The following URM1 variants were observed in gnomAD, a reference collection of about 807,000 sequenced individuals.
URM1 encodes ubiquitin-related modifier 1.
Under a neutral mutation model 17.7 loss-of-function variants are expected in URM1, and 11 were observed. The ratio of observed to expected loss-of-function variants is 0.62; its 90% CI spans 0.39 to 1.03. URM1 has a LOEUF of 1.03. Among genes scored for constraint, URM1 ranks in the 50% least tolerant of loss-of-function variants. The probability of loss-of-function intolerance (pLI) is 0.00; values close to 1 mark genes in which losing one functional copy is unlikely to be tolerated. For synonymous variants in URM1, 48 were observed against 50.6 expected (o/e 0.95, Z 0.22); for missense variants, 128 against 129.2 (o/e 0.99, Z 0.04).
rs565103827 is a variant in URM1, at chr9:128,387,170, C to T, written c.107-646C>T. On this transcript the variant is annotated intron_variant, in intron 2 of 4. Coordinates refer to ENST00000372853, the MANE Select transcript of URM1 (RefSeq NM_030914.4). This position sits in a 1 kb window ranked among gnomAD's most constrained non-coding sequence, Gnocchi z 4.3. ...GCTGAGCTGGAGAGGCCCTGTCACCCGAACCTCTGGCCACCGCTGGCGCGG... is the reference window on the plus strand; with the variant it reads ...GCTGAGCTGGAGAGGCCCTGTCACCTGAACCTCTGGCCACCGCTGGCGCGG... Among the ~76,000 whole-genome samples the T allele has an allele frequency of 1.3e-5, 2 of 152,194 alleles. No individual in the cohort carries two copies. The highest frequency in any genetic ancestry group is 2.4e-5 in the African/African-American group (1 of 41,452).
At chr9:128,376,795 T>C (rs1028448116) in intron 1 of URM1, among the ~76,000 whole-genome samples, 14 of 152,202 alleles carry the variant, frequency 9.2e-5, no homozygotes, top group African/African-American at 3.4e-4. Flanking sequence ...GAGACCAGTC[T>C]GAGCAACATG....
Position 128,392,008 on chromosome 9 carries a change from A to G in URM1, c.*2274A>G, listed in dbSNP as rs1833323229. The G allele has an allele frequency of 6.6e-6, 1 of 152,326 alleles. No homozygotes were observed. Among genetic ancestry groups the G allele is most frequent in the Admixed American group, 6.5e-5 (1 of 15,282 alleles). 9.4% of individuals were successfully genotyped at this position (152,326 alleles called of 1,614,324 possible). On this transcript the variant is annotated 3_prime_UTR_variant, in exon 5 of 5. Transcript: ENST00000372853. This position sits in a 1 kb window ranked among gnomAD's most constrained non-coding sequence, Gnocchi z 6.5. ...GGAAATAAACAAATAAAACCCCGCT[A>G]TCTCCGAAGATTTTTCTTTAATGAA...
At chr9:128,375,801 C>T (rs996278715) in intron 1 of URM1, among the ~76,000 whole-genome samples, 1 of 152,036 alleles carries the variant, frequency 6.6e-6, no homozygotes, top group African/African-American at 2.4e-5. Context: ...CTTAAGCAAT[C>T]CTCCCTCGCC....
At position 128,389,824 on chromosome 9, in the gene URM1, C is replaced by A. The variant is rs748398460; in HGVS notation, c.*90C>A. On this transcript the variant is annotated 3_prime_UTR_variant, in exon 5 of 5. Transcript: ENST00000372853. ...CCCTGCTTCCAGGTCTCCCTGTCCCCCTTGCCTGCCTTCTTCCCTGCTCTG... is the reference window on the plus strand; with the variant it reads ...CCCTGCTTCCAGGTCTCCCTGTCCCACTTGCCTGCCTTCTTCCCTGCTCTG... The A allele has an allele frequency of 1.8e-5, 28 of 1,548,288 alleles. No homozygotes were observed. Among genetic ancestry groups the A allele is most frequent in the Non-Finnish European group, 2.5e-5 (28 of 1,135,550 alleles).
chr9:128,383,170 C>T (rs956041502), intron 2 of URM1, among the ~76,000 whole-genome samples: 29 of 152,142 alleles, frequency 1.9e-4, no homozygotes, highest in African/African-American at 6.3e-4. Context: ...CCCTCTCCAC[C>T]TCCCTCCTCC....
intron 2 of URM1, among the ~76,000 whole-genome samples, chr9:128,381,691 C>CA (rs1833161886): frequency 6.6e-6 from 1 of 152,012 alleles, no homozygotes; most frequent in Non-Finnish European, 1.5e-5. Flanking sequence ...GTCTCAAAAA[C>CA]AAAAAACAAA....
intron 2 of URM1, among the ~76,000 whole-genome samples, chr9:128,378,501 C>G (rs1415602263): frequency 7.2e-6 from 1 of 139,318 alleles, no homozygotes; most frequent in Non-Finnish European, 1.5e-5. Context: ...CGAGATCATG[C>G]CACTGTACTC....
Position 128,389,269 on chromosome 9 carries a change from G to A in URM1, c.197G>A (p.Gly66Glu), listed in dbSNP as rs1314223429. The change falls in exon 4 of 5, where the codon GGA becomes GAA. Residue 66 changes from glycine (G) to glutamate (E), a missense_variant. Coordinates refer to ENST00000372853, the MANE Select transcript of URM1 (RefSeq NM_030914.4). ...CACCATCTTTCCCACAGGCGGCCAGGAATTCTGGTGCTGATTAACGATGCC... is the reference window on the plus strand; with the variant it reads ...CACCATCTTTCCCACAGGCGGCCAGAAATTCTGGTGCTGATTAACGATGCC... ...LFIQGDSVRP[G>E]ILVLINDADW... 6.2e-7 allele frequency: 1 copy of A among 1,600,380 alleles called. No homozygotes were observed. Among genetic ancestry groups the A allele is most frequent in the Non-Finnish European group, 8.5e-7 (1 of 1,170,576 alleles).
At chr9:128,380,327 G>A (rs777839739) in intron 2 of URM1, among the ~76,000 whole-genome samples, 2 of 151,430 alleles carry the variant, frequency 1.3e-5, no homozygotes, top group East Asian at 3.9e-4. Flanking sequence ...GTGGAGGCTG[G>A]GGGGGGGACA....
intron 1 of URM1, among the ~76,000 whole-genome samples, chr9:128,372,882 T>A (rs1034165656): frequency 6.6e-6 from 1 of 151,922 alleles, no homozygotes; most frequent in Non-Finnish European, 1.5e-5. Flanking sequence ...GAGACCAGCC[T>A]TGGCAACATG....
At chr9:128,382,232 G>A (rs1031886732) in intron 2 of URM1, among the ~76,000 whole-genome samples, 5 of 152,086 alleles carry the variant, frequency 3.3e-5, no homozygotes, top group Non-Finnish European at 7.4e-5. Context: ...CCAGAGGCAT[G>A]GGTCACACAG....
chr9:128,387,355 G>T lies in URM1; in HGVS notation c.107-461G>T, dbSNP rs902420663. On this transcript the variant is annotated intron_variant, in intron 2 of 4. Coordinates refer to ENST00000372853, the MANE Select transcript of URM1 (RefSeq NM_030914.4). The surrounding 1 kb of genome is among the most constrained non-coding windows in gnomAD (Gnocchi z 4.3). Reference sequence around the variant, plus strand: ...CCCCTCACAAAGGGAAATATATGCAGACCCCTCCAAGAGCAAAGCCGAATC... The same window carrying T: ...CCCCTCACAAAGGGAAATATATGCATACCCCTCCAAGAGCAAAGCCGAATC... Among the ~76,000 whole-genome samples the T allele has an allele frequency of 6.6e-6, 1 of 152,190 alleles. No individual in the cohort carries two copies.
chr9:128,386,532 G>A (rs1306098601), intron 2 of URM1, among the ~76,000 whole-genome samples: 1 of 152,252 alleles, frequency 6.6e-6, no homozygotes, highest in Admixed American at 6.5e-5. Flanking sequence ...CAGGCAAGTT[G>A]GCACCAAGCA....
At chr9:128,373,730 A>G (rs890407589) in intron 1 of URM1, among the ~76,000 whole-genome samples, 7 of 152,008 alleles carry the variant, frequency 4.6e-5, no homozygotes, top group African/African-American at 1.2e-4. Flanking sequence ...CTCCTTCCCA[A>G]GTTGGGGAGG....
At position 128,390,421 on chromosome 9, in the gene URM1, TC is replaced by T. The variant is rs1386148108; in HGVS notation, c.*688del. On this transcript the variant is annotated 3_prime_UTR_variant, in exon 5 of 5. Coordinates refer to ENST00000372853, the MANE Select transcript of URM1 (RefSeq NM_030914.4). ...AGACCCTCCCCAGGCTGCTTACAGCTCATTCTGCTGGGGGTAGAGATGAGGG... is the reference window on the plus strand; with the variant it reads ...AGACCCTCCCCAGGCTGCTTACAGCTATTCTGCTGGGGGTAGAGATGAGGG... 1 of 152,226 alleles carries T rather than the reference TC, an allele frequency of 6.6e-6. No homozygotes were observed. The highest frequency in any genetic ancestry group is 1.5e-5 in the Non-Finnish European group (1 of 68,190). The allele number at this position is 152,226 out of a possible 1,614,324, so 9.4% of individuals were successfully genotyped here.
At chr9:128,371,925 C>T (rs1833019149) in intron 1 of URM1, among the ~76,000 whole-genome samples, 1 of 152,162 alleles carries the variant, frequency 6.6e-6, no homozygotes, top group African/African-American at 2.4e-5. Context: ...ACCTGAGCCT[C>T]CTTCAGGACA....
chr9:128,391,499 A>G lies in URM1; in HGVS notation c.*1765A>G, dbSNP rs1267146620. 1 of 152,232 alleles carries G rather than the reference A, an allele frequency of 6.6e-6. No individual in the cohort carries two copies. The highest frequency in any genetic ancestry group is 1.5e-5 in the Non-Finnish European group (1 of 68,072). 9.4% of individuals were successfully genotyped at this position (152,232 alleles called of 1,614,324 possible). On this transcript the variant is annotated 3_prime_UTR_variant, in exon 5 of 5. Transcript: ENST00000372853. ...ACTAGTTCCTGAGGTCAGGGTCTCC[A>G]TGTTAGGGAACAGAGCAAGAGACTT...
chr9:128,380,300 G>T (rs1833141875), intron 2 of URM1, among the ~76,000 whole-genome samples: 1 of 152,166 alleles, frequency 6.6e-6, no homozygotes, highest in African/African-American at 2.4e-5. Flanking sequence ...GCACAGGGTG[G>T]GGTCTGTCTG....
intron 2 of URM1, among the ~76,000 whole-genome samples, chr9:128,386,281 GGCCAAGGGGATTCAGA>G (rs1833227009): frequency 6.6e-6 from 1 of 152,180 alleles, no homozygotes; most frequent in East Asian, 1.9e-4. Context: ...CCAAGATGGA[GGCCAAGGGGATTCAGA>G]GCCAAGGGGA....
Sources: allele counts gnomAD v4.1 joint callset (sites outside exome capture counted in the v4.1 genomes callset), GRCh38; gene constraint gnomAD v4.1.1; non-coding constraint Gnocchi (gnomAD v3.1); transcripts MANE v1.5; gene names NCBI Gene and HGNC (gene_info 2026-07-23, HGNC 2026-07-21).